The following PIP5K1B variants were observed in gnomAD, a reference collection of about 807,000 sequenced individuals.
The protein encoded by PIP5K1B is phosphatidylinositol 4-phosphate 5-kinase type-1 beta.
In PIP5K1B, 42 loss-of-function variants were observed where a neutral mutation model predicts 67.0. That is an observed-to-expected ratio of 0.63 (90% confidence interval 0.49 to 0.81). The LOEUF is 0.81. Among genes scored for constraint, PIP5K1B ranks in the 30% least tolerant of loss-of-function variants. The pLI, the probability that PIP5K1B is intolerant of heterozygous loss-of-function variation, is 0.00. For missense variants in PIP5K1B, 459 were observed against 646.3 expected, an observed-to-expected ratio of 0.71 and a Z score of 3.14; for synonymous variants, 214 against 231.4, an observed-to-expected ratio of 0.92 and a Z score of 0.68.
At chr9:68,708,276 A>C (rs1303042330) in intron 1 of PIP5K1B, 1 of 152,212 alleles carries the variant, frequency 6.6e-6, no homozygotes, top group East Asian at 1.9e-4. Flanking sequence ...GCATAAAGTA[A>C]GTGCTCAGTA....
At chr9:68,872,699 A>G (rs1486267553) in intron 5 of PIP5K1B, among the ~76,000 whole-genome samples, 1 of 152,124 alleles carries the variant, frequency 6.6e-6, no homozygotes, top group Non-Finnish European at 1.5e-5. Context: ...TATGCATGCC[A>G]AAAGAATATT....
At chr9:68,880,414 G>T (rs1824123022) in intron 6 of PIP5K1B, among the ~76,000 whole-genome samples, 1 of 152,092 alleles carries the variant, frequency 6.6e-6, no homozygotes, top group Non-Finnish European at 1.5e-5. Context: ...CGTTAGCTGG[G>T]CACGGTGGCA....
At chr9:68,953,684 A>C (rs1828218803) in intron 14 of PIP5K1B, among the ~76,000 whole-genome samples, 1 of 151,926 alleles carries the variant, frequency 6.6e-6, no homozygotes, top group Non-Finnish European at 1.5e-5. Flanking sequence ...AAGTGCAGTG[A>C]CACACCTGTA....
chr9:68,927,612 T>C (rs7021212), intron 12 of PIP5K1B, among the ~76,000 whole-genome samples: 95,535 of 152,076 alleles, frequency 0.63, 34,195 homozygotes, highest in Non-Finnish European at 0.78. Context: ...TTTTTAGTTG[T>C]CTTTTTATTA....
chr9:68,718,185 G>A (rs914454013), intron 1 of PIP5K1B, among the ~76,000 whole-genome samples: 7 of 152,176 alleles, frequency 4.6e-5, no homozygotes, highest in Admixed American at 1.3e-4. Context: ...TTATCAAGAA[G>A]GCATAGTAAA....
intron 14 of PIP5K1B, among the ~76,000 whole-genome samples, chr9:68,946,697 T>C (rs1827821042): frequency 6.6e-6 from 1 of 152,148 alleles, no homozygotes; most frequent in African/African-American, 2.4e-5. Flanking sequence ...CCCAGCCTGT[T>C]CTTTTATGTT....
intron 14 of PIP5K1B, among the ~76,000 whole-genome samples, chr9:68,946,743 T>G (rs752564506): frequency 7.2e-5 from 11 of 152,122 alleles, no homozygotes; most frequent in Non-Finnish European, 1.2e-4. Flanking sequence ...CAAACAGACC[T>G]TCCTACCCCC....
At chr9:68,728,663 C>T (rs1434886071) in intron 1 of PIP5K1B, 1 of 152,060 alleles carries the variant, frequency 6.6e-6, no homozygotes, top group Non-Finnish European at 1.5e-5. Context: ...CTGGGGGAAA[C>T]CTGAATGGCC....
intron 1 of PIP5K1B, among the ~76,000 whole-genome samples, chr9:68,730,884 G>A (rs927913453): frequency 3.8e-4 from 58 of 152,222 alleles, no homozygotes; most frequent in Non-Finnish European, 1.6e-4. Context: ...TTTGAATTTA[G>A]AATTTTGAAT....
chr9:68,777,716 T>C (rs940405229), intron 2 of PIP5K1B, among the ~76,000 whole-genome samples: 6 of 152,230 alleles, frequency 3.9e-5, no homozygotes, highest in Admixed American at 1.3e-4. Context: ...GTAAAGGTAA[T>C]TATTATGTTT....
intron 13 of PIP5K1B, among the ~76,000 whole-genome samples, chr9:68,939,595 A>G (rs1410007504): frequency 6.6e-6 from 1 of 152,166 alleles, no homozygotes; most frequent in Non-Finnish European, 1.5e-5. Flanking sequence ...TCTTTTATCC[A>G]TCGCTGCAGT....
At chr9:68,867,782 G>A (rs574730189) in intron 5 of PIP5K1B, among the ~76,000 whole-genome samples, 2 of 152,222 alleles carry the variant, frequency 1.3e-5, no homozygotes, top group South Asian at 4.2e-4. Context: ...GGGGTAGGTG[G>A]GCAGGACAGG....
intron 2 of PIP5K1B, among the ~76,000 whole-genome samples, chr9:68,750,540 A>G (rs772548777): frequency 4.6e-5 from 7 of 152,236 alleles, no homozygotes; most frequent in African/African-American, 1.2e-4. Context: ...GAAATGTTAG[A>G]AAGTGATTTG....
chr9:68,992,127 G>A (rs4745474), intron 15 of PIP5K1B, among the ~76,000 whole-genome samples: 44,285 of 151,724 alleles, frequency 0.29, 7,229 homozygotes, highest in Non-Finnish European at 0.36. Context: ...CACCACGCCT[G>A]GCTAATTTTG....
intron 1 of PIP5K1B, among the ~76,000 whole-genome samples, chr9:68,725,422 G>A (rs1828103678): frequency 6.6e-6 from 1 of 152,232 alleles, no homozygotes; most frequent in East Asian, 1.9e-4. Flanking sequence ...CAAATGAACT[G>A]AGGACCTTTG....
chr9:68,910,293 G>A (rs1825792956), intron 8 of PIP5K1B, among the ~76,000 whole-genome samples: 1 of 152,174 alleles, frequency 6.6e-6, no homozygotes, highest in South Asian at 2.1e-4. Flanking sequence ...TTGACACAGT[G>A]TATATAAAAT....
At chr9:68,857,863 T>TA (rs1398277137) in intron 4 of PIP5K1B, among the ~76,000 whole-genome samples, 1 of 152,098 alleles carries the variant, frequency 6.6e-6, no homozygotes, top group East Asian at 1.9e-4. Context: ...CCGGGGTGGT[T>TA]ACCGAAGAGG....
chr9:68,777,596 G>A (rs1377503762), intron 2 of PIP5K1B, among the ~76,000 whole-genome samples: 2 of 152,308 alleles, frequency 1.3e-5, no homozygotes, highest in Non-Finnish European at 2.9e-5. Context: ...ACAAGGACAA[G>A]GGTAGAAACT....
At chr9:68,840,702 T>C (rs1025327320) in intron 4 of PIP5K1B, among the ~76,000 whole-genome samples, 1 of 152,220 alleles carries the variant, frequency 6.6e-6, no homozygotes, top group Non-Finnish European at 1.5e-5. Flanking sequence ...CTTTGCCTCT[T>C]CTTTTTTTAA....
Sources: gnomAD v4.1 joint callset for allele counts (sites outside exome capture counted in the v4.1 genomes callset) on GRCh38, gnomAD v4.1.1 for gene constraint, MANE v1.5 for transcripts, NCBI Gene and HGNC (gene_info 2026-07-23, HGNC 2026-07-21) for gene names.